CCSER1: variants seen among roughly 807,000 people sequenced by gnomAD.
CCSER1 encodes coiled-coil serine rich protein 1.
In CCSER1, 41 loss-of-function variants were observed where a neutral mutation model predicts 82.0. That is an observed-to-expected ratio of 0.50 (90% CI 0.39 to 0.65). CCSER1 has a LOEUF of 0.65. CCSER1 is among the 30% of genes least tolerant of loss of function. CCSER1 has a pLI of 0.00. For missense variants in CCSER1, 1,119 were observed against 1,064.2 expected, an observed-to-expected ratio of 1.05 and a Z score of -0.72; for synonymous variants, 414 against 383.9, an observed-to-expected ratio of 1.08 and a Z score of -0.92.
chr4:90,329,426 G>T (rs905362976), intron 3 of CCSER1, among the ~76,000 whole-genome samples: 11 of 152,030 alleles, frequency 7.2e-5, no homozygotes, highest in Non-Finnish European at 1.3e-4. Flanking sequence ...TAGAAACATT[G>T]AAAAACAAAT....
chr4:91,371,300 C>A (rs1223828762), intron 10 of CCSER1, among the ~76,000 whole-genome samples: 2 of 152,218 alleles, frequency 1.3e-5, no homozygotes, highest in East Asian at 1.9e-4. Context: ...CCCAAGCCCC[C>A]ACCACCACTC....
chr4:91,151,177 T>G, intron 10 of CCSER1, among the ~76,000 whole-genome samples: 1 of 152,202 alleles, frequency 6.6e-6, no homozygotes, highest in African/African-American at 2.4e-5. Flanking sequence ...GGGATTCAAC[T>G]TCTTCCTGGT....
intron 7 of CCSER1, among the ~76,000 whole-genome samples, chr4:90,783,365 G>A (rs928273564): frequency 4.6e-5 from 7 of 152,180 alleles, no homozygotes; most frequent in Non-Finnish European, 1.0e-4. Flanking sequence ...GCTAAGATCC[G>A]TTTAACTGCA....
chr4:90,479,179 T>C (rs1312923506), intron 5 of CCSER1, among the ~76,000 whole-genome samples: 1 of 152,160 alleles, frequency 6.6e-6, no homozygotes, highest in African/African-American at 2.4e-5. Context: ...CAAATAATGC[T>C]TAAGATGATT....
intron 3 of CCSER1, among the ~76,000 whole-genome samples, chr4:90,324,315 A>T (rs1321162548): frequency 1.3e-5 from 2 of 150,990 alleles, no homozygotes. Context: ...ATTTCTCCAC[A>T]TCCTCTCCAG....
At chr4:90,190,698 T>G (rs569528448) in intron 1 of CCSER1, among the ~76,000 whole-genome samples, 2 of 152,238 alleles carry the variant, frequency 1.3e-5, no homozygotes, top group African/African-American at 4.8e-5. Flanking sequence ...GGCCTGCATT[T>G]GTTGCCTTTG....
chr4:91,412,155 G>T (rs1318339612), intron 10 of CCSER1, among the ~76,000 whole-genome samples: 1 of 152,098 alleles, frequency 6.6e-6, no homozygotes, highest in Non-Finnish European at 1.5e-5. Flanking sequence ...TGCCCAGGTG[G>T]CCAGATCTCT....
intron 10 of CCSER1, among the ~76,000 whole-genome samples, chr4:91,147,075 C>T (rs934536055): frequency 2.0e-5 from 3 of 152,158 alleles, no homozygotes; most frequent in Non-Finnish European, 4.4e-5. Context: ...AGTCAGGTAA[C>T]CAGGAGACCC....
chr4:91,175,667 G>A lies in CCSER1; in HGVS notation c.2217+89673G>A, dbSNP rs543097103. Among the ~76,000 whole-genome samples, 31 of 152,198 alleles carry A rather than the reference G, an allele frequency of 2.0e-4. No homozygotes were observed. In the East Asian group the frequency reaches 3.3e-3, roughly 16 times the overall value. On this transcript the variant is annotated intron_variant, in intron 10 of 10. Transcript: ENST00000509176. ...TATCCTTTGCCTGCTTTTTGATGGC[G>A]TTGTTTCATTTTTTTCTTGTAAATT...
chr4:91,466,493 G>A (rs1756915800), intron 10 of CCSER1, among the ~76,000 whole-genome samples: 1 of 152,188 alleles, frequency 6.6e-6, no homozygotes, highest in Non-Finnish European at 1.5e-5. Flanking sequence ...AGGGTTGGAA[G>A]TTCTGGCCAG....
At chr4:91,313,429 T>A (rs1339774758) in intron 10 of CCSER1, among the ~76,000 whole-genome samples, 2 of 151,906 alleles carry the variant, frequency 1.3e-5, no homozygotes, top group Non-Finnish European at 2.9e-5. Flanking sequence ...TAAATTTGAT[T>A]TGGTTCCTAC....
chr4:91,410,060 G>T (rs1341503974), intron 10 of CCSER1, among the ~76,000 whole-genome samples: 1 of 152,252 alleles, frequency 6.6e-6, no homozygotes, highest in East Asian at 1.9e-4. Context: ...ACTGGGAAAA[G>T]GAGAAAATAC....
At chr4:91,596,443 C>A (rs925693183) in intron 10 of CCSER1, among the ~76,000 whole-genome samples, 1 of 152,016 alleles carries the variant, frequency 6.6e-6, no homozygotes, top group African/African-American at 2.4e-5. Context: ...TCATAAGCAG[C>A]ACCCATGATA....
intron 10 of CCSER1, among the ~76,000 whole-genome samples, chr4:91,198,622 T>A (rs1005451575): frequency 1.3e-5 from 2 of 151,998 alleles, no homozygotes; most frequent in Non-Finnish European, 2.9e-5. Flanking sequence ...AGCTGCATGA[T>A]CCATAGGGAT....
intron 4 of CCSER1, among the ~76,000 whole-genome samples, chr4:90,464,685 A>G (rs1485150802): frequency 6.6e-6 from 1 of 152,216 alleles, no homozygotes; most frequent in African/African-American, 2.4e-5. Flanking sequence ...ATTTATATCT[A>G]TGGTTGGAAA....
At chr4:90,660,245 C>T (rs977529216) in intron 6 of CCSER1, among the ~76,000 whole-genome samples, 3 of 151,898 alleles carry the variant, frequency 2.0e-5, no homozygotes, top group Non-Finnish European at 4.4e-5. Flanking sequence ...TTTATCACAG[C>T]ACTATTCACT....
At chr4:90,640,377 T>C (rs1726267027) in intron 6 of CCSER1, among the ~76,000 whole-genome samples, 1 of 152,150 alleles carries the variant, frequency 6.6e-6, no homozygotes, top group Non-Finnish European at 1.5e-5. Context: ...GTCTTAGTTT[T>C]GGAAGGAAAC....
intron 8 of CCSER1, among the ~76,000 whole-genome samples, chr4:90,905,214 C>T (rs994208384): frequency 6.6e-6 from 1 of 152,062 alleles, no homozygotes; most frequent in Non-Finnish European, 1.5e-5. Flanking sequence ...CTGCATACAA[C>T]AGACAGAATG....
intron 10 of CCSER1, among the ~76,000 whole-genome samples, chr4:91,355,508 G>T (rs1748762136): frequency 6.6e-6 from 1 of 151,986 alleles, no homozygotes; most frequent in South Asian, 2.1e-4. Context: ...TAGAGTCCTG[G>T]TACACTTATA....
Sources: allele counts gnomAD v4.1 joint callset (sites outside exome capture counted in the v4.1 genomes callset), GRCh38; gene constraint gnomAD v4.1.1; transcripts MANE v1.5; gene names NCBI Gene and HGNC (gene_info 2026-07-23, HGNC 2026-07-21).